Variants in TOM1L1 observed in about 807,000 individuals in gnomAD.
TOM1L1 encodes the protein target of myb1 like 1 membrane trafficking protein.
Under a neutral mutation model 63.4 loss-of-function variants are expected in TOM1L1, and 64 were observed. That is an observed-to-expected ratio of 1.01 (90% CI 0.83 to 1.24). The LOEUF (loss-of-function observed/expected upper bound fraction) is 1.24, where lower values mean the gene tolerates loss of function less well. TOM1L1 is among the 50% of genes most tolerant of loss of function. The probability of loss-of-function intolerance (pLI) is 0.00; values close to 1 mark genes in which losing one functional copy is unlikely to be tolerated. For missense variants in TOM1L1, 536 were observed against 567.0 expected (o/e 0.95, Z 0.55); for synonymous variants, 166 against 194.4 (o/e 0.85, Z 1.22).
intron 11 of TOM1L1, among the ~76,000 whole-genome samples, chr17:54,945,698 A>T (rs1218344155): frequency 6.7e-6 from 1 of 148,592 alleles, no homozygotes. Flanking sequence ...CAGTTATTGT[A>T]GTTTTTAGTT....
intron 11 of TOM1L1, among the ~76,000 whole-genome samples, chr17:54,945,694 T>C (rs1414843641): frequency 6.6e-6 from 1 of 152,114 alleles, no homozygotes; most frequent in Non-Finnish European, 1.5e-5. Context: ...AATTCAGTTA[T>C]TGTAGTTTTT....
chr17:54,901,107 CCAACT>C (rs1357541796), intron 1 of TOM1L1, 184 bp downstream of exon 1: 2 of 771,670 alleles, frequency 2.6e-6, no homozygotes, highest in Non-Finnish European at 4.2e-6. Flanking sequence ...TCCTTCTTGG[CCAACT>C]CACTGTAGAA....
intron 11 of TOM1L1, among the ~76,000 whole-genome samples, chr17:54,944,480 A>G (rs2049085814): frequency 6.6e-6 from 1 of 152,068 alleles, no homozygotes; most frequent in Non-Finnish European, 1.5e-5. Flanking sequence ...GAAGAGAAAA[A>G]TAGTCTATTA....
chr17:54,921,344 A>G (rs1348043861), intron 7 of TOM1L1, among the ~76,000 whole-genome samples: 2 of 152,192 alleles, frequency 1.3e-5, no homozygotes, highest in Non-Finnish European at 2.9e-5. Context: ...CAAAAAATAC[A>G]AATTCTATAT....
intron 14 of TOM1L1, chr17:54,958,499 G>A (rs1823484431): frequency 6.6e-6 from 1 of 152,278 alleles, no homozygotes; most frequent in Admixed American, 6.5e-5. Context: ...GAGAGGCCAA[G>A]GCAGGCGGAT....
At position 54,926,046 on chromosome 17, in the gene TOM1L1, A is replaced by G. The variant is rs1217770424; in HGVS notation, c.721-4027A>G. On this transcript the variant is annotated intron_variant, in intron 7 of 15. Transcript: ENST00000575882. ...TGTTTTCTTTCATTTGAAATCCAGT[A>G]TATTTACTTGGAATCCCCTTTCTGT... Among the ~76,000 whole-genome samples, 11 of 152,158 alleles carry G rather than the reference A, an allele frequency of 7.2e-5. 1 individual carries two copies. Among genetic ancestry groups the G allele is most frequent in the Admixed American group, 7.2e-4 (11 of 15,280 alleles).
At chr17:54,905,726 T>C (rs2048398334) in intron 3 of TOM1L1, among the ~76,000 whole-genome samples, 159 bp downstream of exon 3, 1 of 152,210 alleles carries the variant, frequency 6.6e-6, no homozygotes, top group South Asian at 2.1e-4. Context: ...TTTATGAGAA[T>C]TGCAGAATAA....
intron 14 of TOM1L1, chr17:54,954,544 G>A (rs1313308896): frequency 6.6e-6 from 1 of 152,252 alleles, no homozygotes; most frequent in Non-Finnish European, 1.5e-5. Context: ...GGCAAATACA[G>A]AACGGGCCCT....
At chr17:54,949,965 C>CT (rs1326694011) in intron 13 of TOM1L1, 80 bp from the exon 14 acceptor site, 4 of 1,162,026 alleles carry the variant, frequency 3.4e-6, no homozygotes, top group Non-Finnish European at 5.0e-6. Context: ...TATTTGAAGT[C>CT]TAAATTATAA....
chr17:54,958,726 A>G lies in TOM1L1; in HGVS notation c.1371-1840A>G, dbSNP rs528998550. Reference sequence around the variant, plus strand: ...GCGTGGGCAACAAGAGTGAAACTCCATCTCAAAAAAAAAAAAAAAAAAGGG... The same window carrying G: ...GCGTGGGCAACAAGAGTGAAACTCCGTCTCAAAAAAAAAAAAAAAAAAGGG... On this transcript the variant is annotated intron_variant, in intron 14 of 15. Coordinates refer to ENST00000575882, the MANE Select transcript of TOM1L1 (RefSeq NM_005486.3). Among the ~76,000 whole-genome samples, 13 of 113,610 alleles carry G rather than the reference A, an allele frequency of 1.1e-4. No homozygotes were observed. The East Asian group carries it at 3.0e-3, about 26-fold the overall frequency. The allele number at this position is 113,610 out of a possible 152,430, so 74.5% of individuals were successfully genotyped here.
intron 7 of TOM1L1, among the ~76,000 whole-genome samples, chr17:54,925,349 CTCCT>C (rs1358477964): frequency 4.6e-5 from 7 of 152,196 alleles, no homozygotes; most frequent in African/African-American, 1.7e-4. Context: ...AGACCTCATT[CTCCT>C]TCCTTCCTCC....
chr17:54,959,128 A>G (rs930357617), intron 14 of TOM1L1: 1 of 152,194 alleles, frequency 6.6e-6, no homozygotes, highest in Admixed American at 6.5e-5. Flanking sequence ...TTTGAGGGAG[A>G]TGAGACCAAA....
intron 1 of TOM1L1, 156 bp downstream of exon 1, chr17:54,901,079 C>A: frequency 3.0e-6 from 3 of 986,988 alleles, no homozygotes; most frequent in South Asian, 3.1e-5. Context: ...GCATTCCACC[C>A]GGCCCCCTTT....
At chr17:54,907,482 C>T (rs973325606) in intron 3 of TOM1L1, among the ~76,000 whole-genome samples, 3 of 152,140 alleles carry the variant, frequency 2.0e-5, no homozygotes, top group African/African-American at 4.8e-5. Flanking sequence ...TTTCTAAGAA[C>T]GAATCAAGCC....
At chr17:54,949,697 G>A in intron 13 of TOM1L1, 74 bp downstream of exon 13, 7 of 1,247,832 alleles carry the variant, frequency 5.6e-6, no homozygotes, top group South Asian at 5.0e-5. Context: ...AGATTCATTG[G>A]TAACTGAAAA....
chr17:54,922,346 C>T (rs200682368), intron 7 of TOM1L1, among the ~76,000 whole-genome samples: 1 of 152,026 alleles, frequency 6.6e-6, no homozygotes, highest in South Asian at 2.1e-4. Flanking sequence ...GTGGCTTACA[C>T]CTGTAATCCT....
chr17:54,952,222 G>C (rs1240851786), intron 14 of TOM1L1: 3 of 152,146 alleles, frequency 2.0e-5, no homozygotes, highest in African/African-American at 4.8e-5. Flanking sequence ...GTAACACTTG[G>C]TATTGCTAAT....
chr17:54,937,057 A>G, intron 9 of TOM1L1, 52 bp from the exon 10 acceptor site: 1 of 1,426,906 alleles, frequency 7.0e-7, no homozygotes, highest in Non-Finnish European at 9.8e-7. Context: ...GTATGGGGAG[A>G]AAGCTGTGAT....
intron 7 of TOM1L1, among the ~76,000 whole-genome samples, chr17:54,925,226 A>G (rs1469492335): frequency 6.6e-6 from 1 of 152,256 alleles, no homozygotes; most frequent in Non-Finnish European, 1.5e-5. Context: ...CTAGAATTAC[A>G]TAGACAAGAA....
Sources: gnomAD v4.1 joint callset for allele counts (sites outside exome capture counted in the v4.1 genomes callset) on GRCh38, gnomAD v4.1.1 for gene constraint, MANE v1.5 for transcripts, NCBI Gene and HGNC (gene_info 2026-07-23, HGNC 2026-07-21) for gene names.